Variants in PCDH9 observed in about 807,000 individuals in gnomAD.
The protein encoded by PCDH9 is protocadherin-9.
Under a neutral mutation model 70.6 loss-of-function variants are expected in PCDH9, and 24 were observed. The ratio of observed to expected loss-of-function variants is 0.34; its 90% CI spans 0.25 to 0.48. The LOEUF is 0.48. Ranked by LOEUF, PCDH9 falls within the 20% of genes least tolerant of loss-of-function variation. The pLI is 0.99. For missense variants in PCDH9, 1,281 were observed against 1,503.6 expected, an observed-to-expected ratio of 0.85 and a Z score of 2.45; for synonymous variants, 562 against 558.5, an observed-to-expected ratio of 1.01 and a Z score of -0.09.
chr13:66,998,073 T>C (rs1392697569), intron 2 of PCDH9, among the ~76,000 whole-genome samples: 2 of 152,104 alleles, frequency 1.3e-5, no homozygotes, highest in South Asian at 4.1e-4. Flanking sequence ...TGCAAAGTGA[T>C]ATGAGAAAAT....
chr13:66,734,917 G>A (rs1157985674), intron 3 of PCDH9, among the ~76,000 whole-genome samples: 2 of 152,164 alleles, frequency 1.3e-5, no homozygotes, highest in Non-Finnish European at 2.9e-5. Context: ...AACGCAGTTG[G>A]TCCTTGTTAA....
At chr13:67,176,720 A>T (rs2088470638) in intron 2 of PCDH9, among the ~76,000 whole-genome samples, 1 of 152,008 alleles carries the variant, frequency 6.6e-6, no homozygotes, top group Non-Finnish European at 1.5e-5. Flanking sequence ...TACCCATCCC[A>T]ATACCCATCT....
intron 4 of PCDH9, among the ~76,000 whole-genome samples, chr13:66,406,805 A>C (rs1957288516): frequency 6.6e-6 from 1 of 152,222 alleles, no homozygotes; most frequent in African/African-American, 2.4e-5. Flanking sequence ...AATGACAGCA[A>C]GATGCATATA....
intron 3 of PCDH9, among the ~76,000 whole-genome samples, chr13:66,665,318 C>T (rs1324041801): frequency 1.3e-5 from 2 of 152,024 alleles, no homozygotes; most frequent in African/African-American, 2.4e-5. Context: ...AGTCTGGTCT[C>T]GAACTCCTGA....
At chr13:66,461,407 G>A (rs1318772328) in intron 4 of PCDH9, among the ~76,000 whole-genome samples, 3 of 151,302 alleles carry the variant, frequency 2.0e-5, no homozygotes, top group Non-Finnish European at 3.0e-5. Flanking sequence ...TGTGTTGAAT[G>A]CAGATAAGTG....
chr13:67,092,220 A>G (rs529314975), intron 2 of PCDH9, among the ~76,000 whole-genome samples: 11 of 152,102 alleles, frequency 7.2e-5, no homozygotes, highest in Non-Finnish European at 1.3e-4. Flanking sequence ...TTATATCTAT[A>G]TCGAGGATCT....
intron 4 of PCDH9, among the ~76,000 whole-genome samples, chr13:66,455,363 T>C (rs1055441559): frequency 3.9e-5 from 6 of 151,932 alleles, no homozygotes; most frequent in African/African-American, 1.4e-4. Flanking sequence ...TTTTAAAGAA[T>C]TATAACAATA....
At chr13:66,969,490 A>G (rs1374643988) in intron 2 of PCDH9, among the ~76,000 whole-genome samples, 1 of 152,080 alleles carries the variant, frequency 6.6e-6, no homozygotes. Flanking sequence ...GTCAGGTGAA[A>G]GAATGTTGTA....
intron 2 of PCDH9, among the ~76,000 whole-genome samples, chr13:67,106,837 T>G (rs1226264381): frequency 6.6e-6 from 1 of 152,170 alleles, no homozygotes; most frequent in African/African-American, 2.4e-5. Context: ...TGGAACAAAG[T>G]TGAGGCTGAG....
rs114782435 is a variant in PCDH9, at chr13:66,528,176, T to C, written c.3340+103034A>G. Among the ~76,000 whole-genome samples, 1,139 of 152,220 alleles carry C rather than the reference T, an allele frequency of 7.5e-3. 11 individuals are homozygous for C. The highest frequency in any genetic ancestry group is 0.027 in the African/African-American group (1,107 of 41,544). ...AGAATTAGAAATATAAAAACAGAAA[T>C]GGCAGAGGAAGTGAAAGTGTGGTCC... On this transcript the variant is annotated intron_variant, in intron 4 of 4. Coordinates refer to ENST00000377865, the MANE Select transcript of PCDH9 (RefSeq NM_203487.3).
chr13:66,903,912 G>A (rs2082317363), intron 2 of PCDH9, among the ~76,000 whole-genome samples: 1 of 151,448 alleles, frequency 6.6e-6, no homozygotes. Context: ...AAAGTTATAC[G>A]GTGCTATTTG....
chr13:67,018,478 GC>G (rs2084607394), intron 2 of PCDH9, among the ~76,000 whole-genome samples: 1 of 151,948 alleles, frequency 6.6e-6, no homozygotes, highest in South Asian at 2.1e-4. Context: ...AATTAGCTGG[GC>G]GTGGTGGCGT....
At chr13:66,917,889 A>G (rs1279529691) in intron 2 of PCDH9, among the ~76,000 whole-genome samples, 1 of 151,250 alleles carries the variant, frequency 6.6e-6, no homozygotes, top group Non-Finnish European at 1.5e-5. Flanking sequence ...ACAGGACATA[A>G]TCACCTCTCT....
intron 2 of PCDH9, among the ~76,000 whole-genome samples, chr13:66,957,628 CCCTCATGATGGAATACTGT>C (rs2139717018): frequency 6.6e-6 from 1 of 152,188 alleles, no homozygotes; most frequent in South Asian, 2.1e-4. Flanking sequence ...GAAAATGGGG[CCCTCATGATGGAATACTGT>C]CCTTATGAGA....
At chr13:66,708,417 T>TTTTC (rs1555324417) in intron 3 of PCDH9, among the ~76,000 whole-genome samples, 1 of 151,246 alleles carries the variant, frequency 6.6e-6, no homozygotes, top group Non-Finnish European at 1.5e-5. Flanking sequence ...TTTTTTTTTT[T>TTTTC]TTTCTTTCTT....
At chr13:67,112,637 C>G (rs2086679165) in intron 2 of PCDH9, among the ~76,000 whole-genome samples, 1 of 151,900 alleles carries the variant, frequency 6.6e-6, no homozygotes, top group Non-Finnish European at 1.5e-5. Context: ...CTTCCTTTCT[C>G]TCTTTCTCTC....
chr13:66,440,445 G>A (rs1957951317), intron 4 of PCDH9, among the ~76,000 whole-genome samples: 1 of 152,152 alleles, frequency 6.6e-6, no homozygotes, highest in Middle Eastern at 3.4e-3. Context: ...CATTTCAAGT[G>A]TGTAAAAAAT....
intron 3 of PCDH9, among the ~76,000 whole-genome samples, chr13:66,811,087 T>A (rs1482702735): frequency 1.3e-5 from 2 of 152,166 alleles, no homozygotes; most frequent in African/African-American, 2.4e-5. Context: ...CAAAAATAAA[T>A]CATGCCTATT....
At chr13:67,129,622 T>C (rs2087061285) in intron 2 of PCDH9, among the ~76,000 whole-genome samples, 1 of 141,378 alleles carries the variant, frequency 7.1e-6, no homozygotes, top group Non-Finnish European at 1.6e-5. Context: ...ATCATATAAA[T>C]ATACATATAT....
Sources: gnomAD v4.1 joint callset for allele counts (sites outside exome capture counted in the v4.1 genomes callset) on GRCh38, gnomAD v4.1.1 for gene constraint, MANE v1.5 for transcripts, NCBI Gene and HGNC (gene_info 2026-07-23, HGNC 2026-07-21) for gene names.